ABCA13: variants seen among roughly 807,000 people sequenced by gnomAD.
The protein encoded by ABCA13 is ATP binding cassette subfamily A member 13.
ABCA13 carries 476 observed loss-of-function variants against 478.7 expected under a neutral mutation model. The ratio of observed to expected loss-of-function variants is 0.99; its 90% CI spans 0.92 to 1.07. The LOEUF is 1.07. Ranked by LOEUF, ABCA13 falls within the 50% of genes least tolerant of loss-of-function variation. The pLI, the probability that ABCA13 is intolerant of heterozygous loss-of-function variation, is 0.00. For synonymous variants in ABCA13, 2,252 were observed against 2,158.9 expected (o/e 1.04, Z -1.20); for missense variants, 6,060 against 5,910.6 (o/e 1.03, Z -0.83).
intron 55 of ABCA13, among the ~76,000 whole-genome samples, chr7:48,571,839 C>G (rs1787681330): frequency 6.6e-6 from 1 of 152,056 alleles, no homozygotes; most frequent in East Asian, 1.9e-4. Context: ...GTAATGGGGA[C>G]CTTACTTTTG....
At chr7:48,402,583 A>G (rs1817754347) in intron 38 of ABCA13, among the ~76,000 whole-genome samples, 1 of 152,252 alleles carries the variant, frequency 6.6e-6, no homozygotes, top group Admixed American at 6.5e-5. Flanking sequence ...CACAGAGTGA[A>G]CACTAAACCC....
intron 42 of ABCA13, among the ~76,000 whole-genome samples, chr7:48,429,082 A>G (rs1014283110): frequency 2.6e-5 from 4 of 152,190 alleles, no homozygotes; most frequent in African/African-American, 9.6e-5. Context: ...ACTCAGCACA[A>G]TGTTTTTGAG....
intron 1 of ABCA13, among the ~76,000 whole-genome samples, chr7:48,176,596 C>T (rs144981637): frequency 0.069 from 10,565 of 152,178 alleles, 380 homozygotes; most frequent in East Asian, 0.11. Flanking sequence ...CATCCTCTGA[C>T]CTGGCTTGTT....
At chr7:48,532,144 A>G (rs1211772048) in intron 55 of ABCA13, among the ~76,000 whole-genome samples, 2 of 152,064 alleles carry the variant, frequency 1.3e-5, no homozygotes, top group Non-Finnish European at 2.9e-5. Flanking sequence ...TTTGTCATAG[A>G]TGGCTTTTAA....
intron 59 of ABCA13, among the ~76,000 whole-genome samples, chr7:48,642,319 G>A (rs1412696001): frequency 6.6e-6 from 1 of 152,118 alleles, no homozygotes; most frequent in Non-Finnish European, 1.5e-5. Context: ...AATCTGTTAG[G>A]GATCAGCCTC....
chr7:48,565,442 G>A, intron 55 of ABCA13, among the ~76,000 whole-genome samples: 1 of 152,024 alleles, frequency 6.6e-6, no homozygotes, highest in Admixed American at 6.6e-5. Flanking sequence ...CTCTTATGTT[G>A]CAATTGTAGT....
chr7:48,388,074 A>C (rs1463289809), intron 36 of ABCA13, 115 bp downstream of exon 36: 4 of 1,122,294 alleles, frequency 3.6e-6, no homozygotes, highest in Non-Finnish European at 4.9e-6. Flanking sequence ...TCCTAGAGAG[A>C]CTTACATTTA....
intron 27 of ABCA13, among the ~76,000 whole-genome samples, 175 bp from the exon 28 acceptor site, chr7:48,335,247 G>C (rs1453883084): frequency 6.6e-6 from 1 of 152,172 alleles, no homozygotes; most frequent in African/African-American, 2.4e-5. Flanking sequence ...AGGTTTCAGA[G>C]GACTCACCTG....
intron 8 of ABCA13, among the ~76,000 whole-genome samples, chr7:48,234,842 G>A (rs994811913): frequency 3.9e-5 from 6 of 152,208 alleles, no homozygotes; most frequent in African/African-American, 1.4e-4. Context: ...AGCATTTCTG[G>A]TGCAGCTCCT....
At chr7:48,330,695 A>T (rs1035740512) in intron 27 of ABCA13, among the ~76,000 whole-genome samples, 1 of 150,948 alleles carries the variant, frequency 6.6e-6, no homozygotes, top group African/African-American at 2.4e-5. Flanking sequence ...CTATCCATTC[A>T]TCCATCAATC....
intron 27 of ABCA13, among the ~76,000 whole-genome samples, chr7:48,322,060 T>C (rs1302685827): frequency 1.3e-5 from 2 of 152,170 alleles, no homozygotes; most frequent in African/African-American, 2.4e-5. Flanking sequence ...CCATCCCCAG[T>C]GGGTAAAAAC....
chr7:48,399,105 G>A (rs147300356), intron 38 of ABCA13, among the ~76,000 whole-genome samples: 156 of 152,210 alleles, frequency 1.0e-3, no homozygotes, highest in Non-Finnish European at 2.0e-3. Context: ...AAGAAAGAGC[G>A]GAAGAAGAGA....
In ABCA13 at chr7:48,368,693, A is replaced by G. The variant is rs199727777; in HGVS notation, c.10803+785A>G. Among the ~76,000 whole-genome samples the G allele has an allele frequency of 7.5e-4, 96 of 128,746 alleles. 3 individuals are homozygous for G. In the East Asian group the frequency reaches 0.017, roughly 23 times the overall value. 84.5% of individuals were successfully genotyped at this position (128,746 alleles called of 152,430 possible). On this transcript the variant is annotated intron_variant, in intron 32 of 61. Transcript: ENST00000435803. The stretch of plus-strand genomic sequence containing the variant: ...GGTGTGTGTGTGTGTATGTGTATAT[A>G]TATATATATATATATATATATACAC...
chr7:48,604,467 T>C (rs1353354677), intron 58 of ABCA13, among the ~76,000 whole-genome samples: 10 of 152,190 alleles, frequency 6.6e-5, no homozygotes, highest in Non-Finnish European at 1.3e-4. Flanking sequence ...CATCTTTATT[T>C]CTGCCTTCAT....
chr7:48,450,190 A>G (rs935071606), intron 42 of ABCA13, among the ~76,000 whole-genome samples: 1 of 152,236 alleles, frequency 6.6e-6, no homozygotes, highest in African/African-American at 2.4e-5. Context: ...TTATAAATAA[A>G]TGAACCTTTT....
Position 48,298,386 on chromosome 7 carries a change from A to G in ABCA13, c.9220A>G (p.Met3074Val). 6.2e-7 allele frequency: 1 copy of G among 1,610,182 alleles called. No individual in the cohort carries two copies. Among genetic ancestry groups the G allele is most frequent in the Non-Finnish European group, 8.5e-7 (1 of 1,178,046 alleles). ...TGCAGATGTAAAAATAAAAGATTTG[A>G]TGAAGAATATCACCAAGTTGACTGA... Reference protein sequence around the residue: ...VTEDVKIKDLMKNITKLTEEL... With the variant: ...VTEDVKIKDLVKNITKLTEEL... The change falls in exon 23 of 62, where the codon ATG becomes GTG. Residue 3074 changes from methionine to valine, a missense_variant. By Grantham distance (21) the Met-to-Val change is conservative. This residue lies in a region of ABCA13 where 4,423 missense variants were observed against 4,309.1 expected (regional missense o/e 1.03). Coordinates refer to ENST00000435803, the MANE Select transcript of ABCA13 (RefSeq NM_152701.5).
intron 59 of ABCA13, among the ~76,000 whole-genome samples, chr7:48,633,761 C>T (rs1794372353): frequency 6.6e-6 from 1 of 151,348 alleles, no homozygotes; most frequent in Non-Finnish European, 1.5e-5. Flanking sequence ...TGGTGGCACG[C>T]ACCTATAATC....
At chr7:48,204,252 C>T (rs10227268) in intron 3 of ABCA13, among the ~76,000 whole-genome samples, 57,938 of 151,150 alleles carry the variant, frequency 0.38, 12,779 homozygotes, top group Non-Finnish European at 0.5. Context: ...CTCTGCTGCC[C>T]AGGCTGGAGT....
intron 51 of ABCA13, among the ~76,000 whole-genome samples, chr7:48,513,163 C>T (rs961612852): frequency 6.6e-6 from 1 of 152,184 alleles, no homozygotes; most frequent in African/African-American, 2.4e-5. Flanking sequence ...TGCCTGCTGT[C>T]CTTCTAAGGA....
Sources: gnomAD v4.1 joint callset for allele counts (sites outside exome capture counted in the v4.1 genomes callset) on GRCh38, gnomAD v4.1.1 for gene constraint, gnomAD v4.1.1 regional missense constraint, MANE v1.5 for transcripts, NCBI Gene and HGNC (gene_info 2026-07-23, HGNC 2026-07-21) for gene names.